COL5A2: variants seen among roughly 807,000 people sequenced by gnomAD.
COL5A2 encodes the protein collagen alpha-2(V) chain.
COL5A2 carries 23 observed loss-of-function variants against 208.2 expected under a neutral mutation model. That is an observed-to-expected ratio of 0.11 (90% confidence interval 0.08 to 0.16). COL5A2 has a LOEUF of 0.16. Among genes scored for constraint, COL5A2 ranks in the 10% least tolerant of loss-of-function variants. COL5A2 has a pLI of 1.00. For missense variants in COL5A2, 1,590 were observed against 1,956.4 expected, an observed-to-expected ratio of 0.81 and a Z score of 3.53; for synonymous variants, 625 against 628.5, an observed-to-expected ratio of 0.99 and a Z score of 0.08.
chr2:189,095,008 T>C (rs1559101538), intron 6 of COL5A2: 1 of 152,076 alleles, frequency 6.6e-6, no homozygotes, highest in Non-Finnish European at 1.5e-5. Context: ...AACTGGCATC[T>C]AGTGGGTAGA....
chr2:189,356,914 G>A, the COL5A2 span, among the ~76,000 whole-genome samples: 2 of 152,104 alleles, frequency 1.3e-5, no homozygotes, highest in Admixed American at 6.5e-5. Flanking sequence ...TTCAGATGGG[G>A]CCTCTGAGTG....
At chr2:189,402,586 A>G in the COL5A2 span, among the ~76,000 whole-genome samples, 1 of 152,208 alleles carries the variant, frequency 6.6e-6, no homozygotes, top group Non-Finnish European at 1.5e-5. Context: ...GGTATAAGGA[A>G]GGGGTCCAGT....
chr2:189,116,853 G>A, intron 1 of COL5A2, among the ~76,000 whole-genome samples: 1 of 152,070 alleles, frequency 6.6e-6, no homozygotes, highest in East Asian at 1.9e-4. Context: ...GCAATATAAT[G>A]ACAATTTTGA....
chr2:189,281,819 C>T, the COL5A2 span, among the ~76,000 whole-genome samples: 1 of 152,186 alleles, frequency 6.6e-6, no homozygotes, highest in African/African-American at 2.4e-5. Flanking sequence ...TACATAAGGG[C>T]CATTAACAAG....
chr2:189,370,402 C>T, the COL5A2 span, among the ~76,000 whole-genome samples: 2 of 152,046 alleles, frequency 1.3e-5, no homozygotes, highest in African/African-American at 4.8e-5. Context: ...TTATTTCTCT[C>T]CTCATCATCA....
At chr2:189,298,006 ATC>A in the COL5A2 span, among the ~76,000 whole-genome samples, 1 of 152,190 alleles carries the variant, frequency 6.6e-6, no homozygotes, top group Non-Finnish European at 1.5e-5. Context: ...TAAAGTTGCA[ATC>A]TCAAACTCAA....
At chr2:189,096,912 A>T (rs1686930741) in intron 6 of COL5A2, among the ~76,000 whole-genome samples, 1 of 152,152 alleles carries the variant, frequency 6.6e-6, no homozygotes, top group Admixed American at 6.5e-5. Flanking sequence ...ACTTGAAAGA[A>T]AATTTTATCC....
At chr2:189,375,101 C>T in the COL5A2 span, among the ~76,000 whole-genome samples, 1 of 151,744 alleles carries the variant, frequency 6.6e-6, no homozygotes. Context: ...ACTGAAACCT[C>T]CAGCTCCCAG....
chr2:189,256,368 A>T, the COL5A2 span, among the ~76,000 whole-genome samples: 1 of 152,192 alleles, frequency 6.6e-6, no homozygotes, highest in African/African-American at 2.4e-5. Flanking sequence ...AATTAAGGCC[A>T]CCAGCAGTAT....
chr2:189,041,669 A>T lies in COL5A2; in HGVS notation c.3550T>A (p.Ser1184Thr). ...GGCCCAGGGTTTCCTTCTTTACCTG[A>T]AGGACCAACTGGGCCTGGAGGACCC... ...PRGPPGPVGPSGKEGNPGPLG... is the reference protein window; with the variant it reads ...PRGPPGPVGPTGKEGNPGPLG... The change falls in exon 50 of 54, where the codon TCA becomes ACA. Residue 1184 changes from serine (S) to threonine (T), a missense_variant. Coordinates refer to ENST00000374866, the MANE Select transcript of COL5A2 (RefSeq NM_000393.5). 6.2e-7 allele frequency: 1 copy of T among 1,614,042 alleles called. No individual in the cohort carries two copies. Among genetic ancestry groups the T allele is most frequent in the Non-Finnish European group, 8.5e-7 (1 of 1,179,926 alleles).
At chr2:189,309,441 A>G in the COL5A2 span, among the ~76,000 whole-genome samples, 1 of 152,176 alleles carries the variant, frequency 6.6e-6, no homozygotes, top group African/African-American at 2.4e-5. Flanking sequence ...CACTGCACGT[A>G]TGGTACCTCC....
At chr2:189,321,909 T>C in the COL5A2 span, among the ~76,000 whole-genome samples, 25 of 152,268 alleles carry the variant, frequency 1.6e-4, no homozygotes, top group East Asian at 3.9e-3. Flanking sequence ...TATTCCAAAA[T>C]TGACCACATA....
intron 1 of COL5A2, among the ~76,000 whole-genome samples, chr2:189,168,787 C>T (rs1368868492): frequency 1.3e-5 from 2 of 152,164 alleles, no homozygotes; most frequent in Non-Finnish European, 2.9e-5. Flanking sequence ...TAAAGAATTT[C>T]ATAGCTACAA....
intron 1 of COL5A2, among the ~76,000 whole-genome samples, chr2:189,154,910 GAATA>G (rs1688215247): frequency 6.6e-6 from 1 of 152,108 alleles, no homozygotes; most frequent in African/African-American, 2.4e-5. Flanking sequence ...ACGAATGAAT[GAATA>G]AATTAGTGGT....
At chr2:189,377,004 T>C in the COL5A2 span, among the ~76,000 whole-genome samples, 5 of 152,214 alleles carry the variant, frequency 3.3e-5, no homozygotes, top group Non-Finnish European at 7.3e-5. Flanking sequence ...ATGAGTGATC[T>C]GTAACTAAGG....
At chr2:189,189,891 AC>A (rs1445194770) in intron 1 of COL5A2, among the ~76,000 whole-genome samples, 1 of 152,176 alleles carries the variant, frequency 6.6e-6, no homozygotes, top group African/African-American at 2.4e-5. Flanking sequence ...CATTGATTAT[AC>A]CGCTTAGAAA....
chr2:189,051,609 T>C, intron 41 of COL5A2, 128 bp from the exon 42 acceptor site: 1 of 734,004 alleles, frequency 1.4e-6, no homozygotes, highest in Non-Finnish European at 2.1e-6. Flanking sequence ...TGTTAGATAA[T>C]CAGTCATTCT....
At chr2:189,096,413 G>A (rs189169488) in intron 6 of COL5A2, among the ~76,000 whole-genome samples, 1 of 151,718 alleles carries the variant, frequency 6.6e-6, no homozygotes, top group African/African-American at 2.4e-5. Context: ...AGGCCGAGGC[G>A]GGCGGATCAC....
At chr2:189,364,784 G>T in the COL5A2 span, among the ~76,000 whole-genome samples, 1 of 152,106 alleles carries the variant, frequency 6.6e-6, no homozygotes, top group Non-Finnish European at 1.5e-5. Context: ...TACTTGACCA[G>T]TATTCCTCAA....
Sources: gnomAD v4.1 joint callset for allele counts (sites outside exome capture counted in the v4.1 genomes callset) on GRCh38, gnomAD v4.1.1 for gene constraint, MANE v1.5 for transcripts, NCBI Gene and HGNC (gene_info 2026-07-23, HGNC 2026-07-21) for gene names.